Variants in XRRA1 observed in about 807,000 individuals in gnomAD.
XRRA1 encodes X-ray radiation resistance-associated protein 1.
In XRRA1, 69 loss-of-function variants were observed where a neutral mutation model predicts 80.2. The observed-to-expected ratio is 0.86, with a 90% CI of 0.71 to 1.05. XRRA1 has a LOEUF of 1.05. Ranked by LOEUF, XRRA1 falls within the 50% of genes least tolerant of loss-of-function variation. The pLI is 0.00. For synonymous variants in XRRA1, 348 were observed against 389.9 expected, an observed-to-expected ratio of 0.89 and a Z score of 1.27; for missense variants, 967 against 976.4, an observed-to-expected ratio of 0.99 and a Z score of 0.13.
At chr11:74,921,166 A>G in intron 8 of XRRA1, 48 bp downstream of exon 8, 1 of 1,601,078 alleles carries the variant, frequency 6.2e-7, no homozygotes, top group Non-Finnish European at 8.5e-7. Flanking sequence ...ATTTCCTTGG[A>G]TATTTGTACA....
At position 74,851,096 on chromosome 11, in the gene XRRA1, A is replaced by G; in HGVS notation, c.1372T>C (p.Ser458Pro). The change falls in exon 14 of 19, where the codon TCA becomes CCA. Residue 458 changes from serine to proline, a missense_variant. Transcript: ENST00000684022. ...KHHVLMSRKE[S>P]WKVKSEIPKV... is the part of the protein sequence containing the mutation. ...TGCCTTGGAAGCCCTACCTTCCATG[A>G]TTCCTTCCGAGACATCAAAACATGA... is the stretch of plus-strand genomic sequence containing the variant. The G allele has an allele frequency of 6.2e-7, 1 of 1,609,830 alleles. No homozygotes were observed. Among genetic ancestry groups the G allele is most frequent in the Non-Finnish European group, 8.5e-7 (1 of 1,177,710 alleles).
chr11:74,866,458 G>A (rs1301643841), intron 10 of XRRA1, among the ~76,000 whole-genome samples: 1 of 151,804 alleles, frequency 6.6e-6, no homozygotes, highest in Non-Finnish European at 1.5e-5. Flanking sequence ...GACTCACTTT[G>A]TTGCCCAGGC....
chr11:74,847,319 C>A (rs1477138278), intron 15 of XRRA1, among the ~76,000 whole-genome samples: 1 of 152,074 alleles, frequency 6.6e-6, no homozygotes, highest in Non-Finnish European at 1.5e-5. Context: ...ACTGGAGGGG[C>A]AAGACTAGAG....
intron 10 of XRRA1, chr11:74,863,232 A>G (rs1298734637): frequency 5.0e-6 from 3 of 601,662 alleles, no homozygotes; most frequent in Non-Finnish European, 9.0e-6. Flanking sequence ...ATAAAATACA[A>G]ACTGCTTATC....
At chr11:74,866,615 A>G (rs1310527443) in intron 10 of XRRA1, among the ~76,000 whole-genome samples, 3 of 151,848 alleles carry the variant, frequency 2.0e-5, no homozygotes, top group Non-Finnish European at 4.4e-5. Flanking sequence ...ATCAGTTCAG[A>G]AATTTACCAG....
At position 74,925,614 on chromosome 11, in the gene XRRA1, C is replaced by G. The variant is rs1257902747; in HGVS notation, c.522+1777G>C. Among the ~76,000 whole-genome samples, 4 of 151,994 alleles carry G rather than the reference C, an allele frequency of 2.6e-5. No homozygotes were observed. In the South Asian group the frequency reaches 8.3e-4, roughly 32 times the overall value. On this transcript the variant is annotated intron_variant, in intron 7 of 18. Transcript: ENST00000684022. ...ATCTTAACTTTGGTCTGTTCTCTTA[C>G]GTAAATACCCTTTCGTAAGGGTAGG...
Position 74,845,347 on chromosome 11 carries a change from CTG to C in XRRA1, c.1729-78_1729-77del. ...TCCATGAACATTCGGAGTATCATCTCTGTGCTGGTCTCTGCTGGGCCCTGTTA... is the reference window on the plus strand; with the variant it reads ...TCCATGAACATTCGGAGTATCATCTCTGCTGGTCTCTGCTGGGCCCTGTTA... On this transcript the variant is annotated intron_variant, in intron 15 of 18. Transcript: ENST00000684022. 2.7e-6 allele frequency: 4 copies of C among 1,463,090 alleles called. No homozygotes were observed. In the South Asian group the frequency reaches 3.8e-5, roughly 14 times the overall value. The allele number at this position is 1,463,090 out of a possible 1,614,324, so 90.6% of individuals were successfully genotyped here. A position where few individuals can be genotyped will look rare whatever the true frequency, so the allele number is the denominator to read the frequency against.
At chr11:74,865,566 CCA>C (rs1006355891) in intron 10 of XRRA1, among the ~76,000 whole-genome samples, 9 of 152,210 alleles carry the variant, frequency 5.9e-5, no homozygotes, top group Non-Finnish European at 1.3e-4. Flanking sequence ...CCAAGGGGAC[CCA>C]GTCTCAGTTC....
At chr11:74,868,608 T>C (rs1274381732) in intron 10 of XRRA1, among the ~76,000 whole-genome samples, 1 of 152,050 alleles carries the variant, frequency 6.6e-6, no homozygotes, top group Non-Finnish European at 1.5e-5. Flanking sequence ...CCATCTCACA[T>C]GTGATGACAC....
intron 8 of XRRA1, among the ~76,000 whole-genome samples, chr11:74,920,865 C>A (rs1393485050): frequency 6.6e-6 from 1 of 152,160 alleles, no homozygotes; most frequent in Non-Finnish European, 1.5e-5. Context: ...AGAGGAATGG[C>A]CTCAGCAAAG....
intron 5 of XRRA1, among the ~76,000 whole-genome samples, chr11:74,931,257 G>C (rs1473094156): frequency 1.3e-5 from 2 of 151,890 alleles, no homozygotes; most frequent in Non-Finnish European, 2.9e-5. Context: ...CACTGTTTTT[G>C]AGAATTACCT....
intron 10 of XRRA1, 45 bp downstream of exon 10, chr11:74,906,194 T>C (rs2054546676): frequency 6.4e-7 from 1 of 1,568,744 alleles, no homozygotes; most frequent in African/African-American, 1.4e-5. Flanking sequence ...AGAAGTGTAT[T>C]TCCACCATGA....
At chr11:74,937,441 C>T (rs748624011) in intron 3 of XRRA1, among the ~76,000 whole-genome samples, 4 of 152,040 alleles carry the variant, frequency 2.6e-5, no homozygotes, top group Non-Finnish European at 5.9e-5. Context: ...TAGAGCTGAT[C>T]CCTCTTTCTC....
At chr11:74,915,522 G>A (rs761525251) in intron 8 of XRRA1, among the ~76,000 whole-genome samples, 8 of 152,140 alleles carry the variant, frequency 5.3e-5, no homozygotes, top group Non-Finnish European at 7.3e-5. Flanking sequence ...ACCTGCCAAT[G>A]GCAGAGGCCA....
At chr11:74,844,417 G>A in intron 16 of XRRA1, 134 bp from the exon 17 acceptor site, 2 of 660,326 alleles carry the variant, frequency 3.0e-6, no homozygotes, top group South Asian at 1.9e-5. Flanking sequence ...AGAAAACACT[G>A]CCCCCAGGTT....
chr11:74,865,288 G>GGA, intron 10 of XRRA1, among the ~76,000 whole-genome samples: 1 of 151,676 alleles, frequency 6.6e-6, no homozygotes, highest in East Asian at 1.9e-4. Context: ...GATCCTGTGT[G>GGA]GGCCCAGTCT....
chr11:74,869,169 A>G (rs1181300115), intron 10 of XRRA1, among the ~76,000 whole-genome samples: 1 of 152,228 alleles, frequency 6.6e-6, no homozygotes, highest in East Asian at 1.9e-4. Context: ...GCACAGCACC[A>G]TAAAATAGAA....
chr11:74,881,416 C>G (rs1190707229), intron 10 of XRRA1, among the ~76,000 whole-genome samples: 9 of 150,576 alleles, frequency 6.0e-5, no homozygotes, highest in South Asian at 2.1e-4. Flanking sequence ...ACTCTTTATC[C>G]AATTTGCCAG....
intron 7 of XRRA1, among the ~76,000 whole-genome samples, chr11:74,925,368 G>A (rs766256664): frequency 6.6e-6 from 1 of 151,660 alleles, no homozygotes; most frequent in Non-Finnish European, 1.5e-5. Context: ...TCCTCCTGGG[G>A]CAGCCTTTTT....
Sources: allele counts gnomAD v4.1 joint callset (sites outside exome capture counted in the v4.1 genomes callset), GRCh38; gene constraint gnomAD v4.1.1; transcripts MANE v1.5; gene names NCBI Gene and HGNC (gene_info 2026-07-23, HGNC 2026-07-21).